Variants in EFNA5 observed in about 807,000 individuals in gnomAD.
The protein encoded by EFNA5 is ephrin A5.
A neutral mutation model predicts 22.9 loss-of-function variants in EFNA5; 5 were observed. The observed-to-expected ratio is 0.22, with a 90% CI of 0.11 to 0.46. EFNA5 has a LOEUF of 0.46. Ranked by LOEUF, EFNA5 falls within the 20% of genes least tolerant of loss-of-function variation. The pLI is 0.99. For synonymous variants in EFNA5, 113 were observed against 112.2 expected, an observed-to-expected ratio of 1.01 and a Z score of -0.04; for missense variants, 237 against 293.3, an observed-to-expected ratio of 0.81 and a Z score of 1.40.
intron 1 of EFNA5, among the ~76,000 whole-genome samples, chr5:107,518,566 C>T (rs1266720541): frequency 3.6e-5 from 5 of 139,792 alleles, no homozygotes; most frequent in African/African-American, 1.4e-4. Flanking sequence ...ATTGGGAAGC[C>T]GAGGTACACC....
intron 2 of EFNA5, among the ~76,000 whole-genome samples, chr5:107,416,225 A>C (rs1748501291): frequency 6.6e-6 from 1 of 152,192 alleles, no homozygotes; most frequent in South Asian, 2.1e-4. Flanking sequence ...TTCCCTATAC[A>C]TTTCCCATTA....
chr5:107,580,992 T>A (rs966778859), intron 1 of EFNA5, among the ~76,000 whole-genome samples: 2 of 152,162 alleles, frequency 1.3e-5, no homozygotes, highest in African/African-American at 4.8e-5. Flanking sequence ...TTACCGTAAA[T>A]TTGTGCTTTG....
intron 2 of EFNA5, among the ~76,000 whole-genome samples, chr5:107,422,264 C>T (rs1186157459): frequency 6.6e-6 from 1 of 152,170 alleles, no homozygotes; most frequent in African/African-American, 2.4e-5. Context: ...GAACACAGTA[C>T]ATGCTATATA....
At position 107,437,163 on chromosome 5, in the gene EFNA5, G is replaced by T. The variant is rs79760829; in HGVS notation, c.126-9654C>A. 1.5e-3 allele frequency among the ~76,000 whole-genome samples: 225 copies of T among 152,052 alleles called. 3 individuals are homozygous for T. In the East Asian group the frequency reaches 0.04, roughly 27 times the overall value. On this transcript the variant is annotated intron_variant, in intron 1 of 4. Coordinates refer to ENST00000333274, the MANE Select transcript of EFNA5 (RefSeq NM_001962.3). The stretch of plus-strand genomic sequence containing the variant: ...ATCTGTTAATTTATTAAACAAACAA[G>T]AAATAAATTGGAAGAAAGAAAATAC...
At chr5:107,392,774 A>C (rs1747823099) in intron 2 of EFNA5, among the ~76,000 whole-genome samples, 1 of 152,214 alleles carries the variant, frequency 6.6e-6, no homozygotes, top group African/African-American at 2.4e-5. Context: ...AATGGCCAGC[A>C]TGCCCTTGCT....
intron 1 of EFNA5, among the ~76,000 whole-genome samples, chr5:107,544,033 G>A (rs984366130): frequency 1.3e-5 from 2 of 152,200 alleles, no homozygotes; most frequent in Non-Finnish European, 2.9e-5. Flanking sequence ...AGCTTGTCAG[G>A]TGGGCCCTGG....
chr5:107,665,625 A>C (rs1397156982), intron 1 of EFNA5, among the ~76,000 whole-genome samples: 3 of 152,198 alleles, frequency 2.0e-5, no homozygotes, highest in African/African-American at 7.2e-5. Flanking sequence ...TGTATAGCCA[A>C]ATCTGCCTCA....
chr5:107,587,058 AT>A (rs1411178746), intron 1 of EFNA5, among the ~76,000 whole-genome samples: 1 of 152,218 alleles, frequency 6.6e-6, no homozygotes, highest in Non-Finnish European at 1.5e-5. Flanking sequence ...TGTAGATTGC[AT>A]TTATTTTCAC....
At chr5:107,610,695 G>C (rs1749807501) in intron 1 of EFNA5, among the ~76,000 whole-genome samples, 1 of 152,112 alleles carries the variant, frequency 6.6e-6, no homozygotes, top group Middle Eastern at 3.2e-3. Context: ...AAAGTCCCCA[G>C]TTCCTGATAT....
rs1749417576 is a variant in EFNA5 at position 107,447,062 on chromosome 5, G to A, written c.126-19553C>T. ...CGCATTAACATATTTTCATCTCTCT[G>A]ACCCATTAATACCTGTCACCCAGCA... On this transcript the variant is annotated intron_variant, in intron 1 of 4. Transcript: ENST00000333274. 2.6e-5 allele frequency among the ~76,000 whole-genome samples: 4 copies of A among 152,160 alleles called. No homozygotes were observed. The South Asian group carries it at 8.3e-4, about 32-fold the overall frequency.
rs1277993036 is a variant in EFNA5, at chr5:107,427,857, CAT to C, written c.126-350_126-349del. On this transcript the variant is annotated intron_variant, in intron 1 of 4. Transcript: ENST00000333274. The stretch of plus-strand genomic sequence containing the variant: ...CATGTTTCCTTTCATTCTTAAAAAT[CAT>C]ATATTAAAACAAAGTTTTTATATTT... Among the ~76,000 whole-genome samples the C allele has an allele frequency of 2.0e-5, 3 of 151,980 alleles. No homozygotes were observed. The East Asian group carries it at 5.8e-4, about 29-fold the overall frequency.
intron 1 of EFNA5, among the ~76,000 whole-genome samples, chr5:107,514,911 TGAAAAACA>T (rs1747444881): frequency 6.6e-6 from 1 of 152,138 alleles, no homozygotes; most frequent in Non-Finnish European, 1.5e-5. Context: ...TTCTTTTTAA[TGAAAAACA>T]GAAAAACAGC....
intron 1 of EFNA5, among the ~76,000 whole-genome samples, chr5:107,492,122 AC>A (rs1163853535): frequency 6.6e-6 from 1 of 152,246 alleles, no homozygotes; most frequent in African/African-American, 2.4e-5. Flanking sequence ...GGTATGAGCC[AC>A]CACCCCTGGC....
chr5:107,670,034 A>G (rs1247507988), intron 1 of EFNA5, among the ~76,000 whole-genome samples: 43 of 55,146 alleles, frequency 7.8e-4, no homozygotes, highest in African/African-American at 3.2e-3. Context: ...TAAAATTAAA[A>G]AAAAAAAAAA....
chr5:107,594,997 T>C (rs960821268), intron 1 of EFNA5, among the ~76,000 whole-genome samples: 1 of 152,138 alleles, frequency 6.6e-6, no homozygotes, highest in East Asian at 1.9e-4. Flanking sequence ...TTTTGTGTAA[T>C]TTGTGGTATA....
chr5:107,523,511 T>A (rs250250), intron 1 of EFNA5, among the ~76,000 whole-genome samples: 135,750 of 152,230 alleles, frequency 0.89, 60,849 homozygotes, highest in African/African-American at 0.97. Context: ...GGAGAGCAGA[T>A]GAATCAGCCA....
At position 107,610,457 on chromosome 5, in the gene EFNA5, C is replaced by T. The variant is rs188037257; in HGVS notation, c.125+60032G>A. Among the ~76,000 whole-genome samples the T allele has an allele frequency of 2.3e-3, 356 of 152,230 alleles. 2 individuals carry two copies. The highest frequency in any genetic ancestry group is 8.0e-3 in the African/African-American group (333 of 41,528). On this transcript the variant is annotated intron_variant, in intron 1 of 4. Transcript: ENST00000333274. ...GTTTATATACTAATACAGCCAAACACGTTACGTGAAAAAGCCAAGATTCAG... is the reference window on the plus strand; with the variant it reads ...GTTTATATACTAATACAGCCAAACATGTTACGTGAAAAAGCCAAGATTCAG...
intron 1 of EFNA5, among the ~76,000 whole-genome samples, chr5:107,436,471 A>G (rs1296911758): frequency 2.0e-5 from 3 of 152,136 alleles, no homozygotes; most frequent in Admixed American, 6.6e-5. Flanking sequence ...GATCACTTCA[A>G]ATGGCTTTCA....
At chr5:107,432,330 G>C (rs1748984107) in intron 1 of EFNA5, among the ~76,000 whole-genome samples, 1 of 152,188 alleles carries the variant, frequency 6.6e-6, no homozygotes, top group South Asian at 2.1e-4. Context: ...CTGACATCTA[G>C]GAAGACTGAT....
Sources: gnomAD v4.1 joint callset for allele counts (sites outside exome capture counted in the v4.1 genomes callset) on GRCh38, gnomAD v4.1.1 for gene constraint, MANE v1.5 for transcripts, NCBI Gene and HGNC (gene_info 2026-07-23, HGNC 2026-07-21) for gene names.